MGMT: variants seen among roughly 807,000 people sequenced by gnomAD.
The protein encoded by MGMT is O-6-methylguanine-DNA methyltransferase, also known as methylated-DNA--protein-cysteine methyltransferase.
Under a neutral mutation model 15.9 loss-of-function variants are expected in MGMT, and 14 were observed. The ratio of observed to expected loss-of-function variants is 0.88; its 90% confidence interval spans 0.58 to 1.37. The LOEUF is 1.37. Ranked by LOEUF, MGMT falls within the 40% of genes most tolerant of loss-of-function variation. The pLI is 0.00. For synonymous variants in MGMT, 130 were observed against 118.2 expected (o/e 1.10, Z -0.65); for missense variants, 282 against 268.1 (o/e 1.05, Z -0.36).
At chr10:129,716,482 C>T (rs1382956621) in intron 3 of MGMT, among the ~76,000 whole-genome samples, 1 of 152,212 alleles carries the variant, frequency 6.6e-6, no homozygotes, top group Non-Finnish European at 1.5e-5. Flanking sequence ...TCCGCGATCC[C>T]CCGCCTGCCA....
intron 3 of MGMT, among the ~76,000 whole-genome samples, chr10:129,738,156 G>A (rs111407626): frequency 1.3e-5 from 2 of 152,308 alleles, no homozygotes; most frequent in Admixed American, 6.5e-5. Flanking sequence ...CCCAAGCCTC[G>A]CTGCCACCTT....
intron 1 of MGMT, among the ~76,000 whole-genome samples, chr10:129,473,123 G>A (rs372563155): frequency 3.3e-5 from 5 of 152,160 alleles, no homozygotes; most frequent in African/African-American, 9.7e-5. Context: ...CCCAAAGGAC[G>A]GACACAGGAT....
intron 3 of MGMT, among the ~76,000 whole-genome samples, chr10:129,742,954 G>A (rs182325590): frequency 7.9e-5 from 12 of 152,308 alleles, no homozygotes; most frequent in South Asian, 4.1e-4. Flanking sequence ...CATCAGGGCC[G>A]GAAGATGGCA....
chr10:129,480,929 C>G (rs1330843267), intron 1 of MGMT, among the ~76,000 whole-genome samples: 1 of 152,208 alleles, frequency 6.6e-6, no homozygotes, highest in Non-Finnish European at 1.5e-5. Flanking sequence ...ATTTGCGGAG[C>G]CCTCCTGGTG....
chr10:129,528,463 A>G (rs1016733476), intron 1 of MGMT, among the ~76,000 whole-genome samples: 3 of 150,322 alleles, frequency 2.0e-5, no homozygotes, highest in African/African-American at 7.4e-5. Context: ...AGGAGACAGC[A>G]GTAGCACGGA....
intron 2 of MGMT, among the ~76,000 whole-genome samples, chr10:129,699,040 CT>C (rs1481738261): frequency 6.6e-6 from 1 of 152,168 alleles, no homozygotes; most frequent in Non-Finnish European, 1.5e-5. Context: ...GTTTTGGAAT[CT>C]TTAGGGACCT....
intron 1 of MGMT, among the ~76,000 whole-genome samples, chr10:129,483,100 G>C (rs1205845165): frequency 6.6e-6 from 1 of 152,128 alleles, no homozygotes; most frequent in Non-Finnish European, 1.5e-5. Flanking sequence ...TTTAGGATGT[G>C]TAATGTACAT....
At chr10:129,622,187 G>T (rs890601852) in intron 2 of MGMT, among the ~76,000 whole-genome samples, 1 of 152,208 alleles carries the variant, frequency 6.6e-6, no homozygotes, top group Non-Finnish European at 1.5e-5. Flanking sequence ...TCAAGGATAA[G>T]ATGCTGATTG....
chr10:129,671,857 C>T (rs888322323), intron 2 of MGMT, among the ~76,000 whole-genome samples: 6 of 152,170 alleles, frequency 3.9e-5, no homozygotes, highest in Admixed American at 2.6e-4. Flanking sequence ...TCACCAGTTG[C>T]AACCTCAGAT....
chr10:129,603,371 C>T (rs907496051), intron 2 of MGMT, among the ~76,000 whole-genome samples: 3 of 152,144 alleles, frequency 2.0e-5, no homozygotes, highest in Admixed American at 6.5e-5. Flanking sequence ...TCTGACTGAG[C>T]GCGTTGGGTT....
chr10:129,561,858 C>T (rs1846282719), intron 2 of MGMT, among the ~76,000 whole-genome samples: 1 of 152,208 alleles, frequency 6.6e-6, no homozygotes, highest in South Asian at 2.1e-4. Context: ...AGAAGCACTG[C>T]ACCCAGGACT....
At chr10:129,540,622 A>G (rs1321181444) in intron 2 of MGMT, among the ~76,000 whole-genome samples, 1 of 152,220 alleles carries the variant, frequency 6.6e-6, no homozygotes, top group Non-Finnish European at 1.5e-5. Context: ...AATTTTTAGA[A>G]TTTTAAACCA....
At chr10:129,654,924 A>T (rs766516742) in intron 2 of MGMT, among the ~76,000 whole-genome samples, 18 of 152,152 alleles carry the variant, frequency 1.2e-4, no homozygotes, top group Non-Finnish European at 2.6e-4. Context: ...GAGAAGTGGG[A>T]TTTCCCACTG....
chr10:129,764,615 G>C (rs1315048714), intron 4 of MGMT, among the ~76,000 whole-genome samples: 2 of 152,256 alleles, frequency 1.3e-5, no homozygotes, highest in African/African-American at 4.8e-5. Flanking sequence ...TTTGGAGGGT[G>C]GAGCGTGGGG....
intron 1 of MGMT, among the ~76,000 whole-genome samples, chr10:129,499,721 T>G (rs1453901488): frequency 6.6e-6 from 1 of 152,222 alleles, no homozygotes; most frequent in East Asian, 1.9e-4. Context: ...GTATTCATGC[T>G]ATAGAACACA....
intron 2 of MGMT, among the ~76,000 whole-genome samples, chr10:129,704,313 G>T (rs987603132): frequency 6.6e-6 from 1 of 152,094 alleles, no homozygotes; most frequent in Non-Finnish European, 1.5e-5. Context: ...TTGCCTGCTC[G>T]GCAGGCCCAT....
At chr10:129,719,024 A>G (rs1564773004) in intron 3 of MGMT, among the ~76,000 whole-genome samples, 1 of 151,984 alleles carries the variant, frequency 6.6e-6, no homozygotes, top group Non-Finnish European at 1.5e-5. Flanking sequence ...TGAGATGTCT[A>G]GAGCCGGTCC....
At chr10:129,712,074 G>C (rs556024011) in intron 3 of MGMT, among the ~76,000 whole-genome samples, 1 of 152,316 alleles carries the variant, frequency 6.6e-6, no homozygotes, top group East Asian at 1.9e-4. Context: ...AAGAAAAGCA[G>C]ACCTACGGAA....
chr10:129,495,121 T>C (rs1845507609), intron 1 of MGMT, among the ~76,000 whole-genome samples: 1 of 152,262 alleles, frequency 6.6e-6, no homozygotes, highest in Non-Finnish European at 1.5e-5. Context: ...AACCAGATTG[T>C]GAATTTTTTT....
Sources: allele counts gnomAD v4.1 joint callset (sites outside exome capture counted in the v4.1 genomes callset), GRCh38; gene constraint gnomAD v4.1.1; transcripts MANE v1.5; gene names NCBI Gene and HGNC (gene_info 2026-07-23, HGNC 2026-07-21).